Variants in TUT7 observed in about 807,000 individuals in gnomAD.
TUT7 encodes terminal uridylyl transferase 7, also known as terminal uridylyltransferase 7.
TUT7 carries 33 observed loss-of-function variants against 165.9 expected under a neutral mutation model. The ratio of observed to expected loss-of-function variants is 0.20; its 90% CI spans 0.15 to 0.27. TUT7 has a LOEUF of 0.27. TUT7 is among the 10% of genes least tolerant of loss of function. The pLI, the probability that TUT7 is intolerant of heterozygous loss-of-function variation, is 1.00. For synonymous variants in TUT7, 552 were observed against 608.1 expected, an observed-to-expected ratio of 0.91 and a Z score of 1.36; for missense variants, 1,338 against 1,762.3, an observed-to-expected ratio of 0.76 and a Z score of 4.31.
At chr9:86,339,445 G>C (rs1029064110) in intron 8 of TUT7, among the ~76,000 whole-genome samples, 1 of 152,178 alleles carries the variant, frequency 6.6e-6, no homozygotes, top group African/African-American at 2.4e-5. Flanking sequence ...GTGAACCCAG[G>C]AGGCGGAGGT....
Position 86,310,069 on chromosome 9 carries a change from T to TC in TUT7, c.3379-53dup, listed in dbSNP as rs1827891289. The TC allele has an allele frequency of 1.6e-5, 21 of 1,341,768 alleles. No homozygotes were observed. In the East Asian group the frequency reaches 5.2e-4, roughly 33 times the overall value. The allele number at this position is 1,341,768 out of a possible 1,614,324, so 83.1% of individuals were successfully genotyped here. On this transcript the variant is annotated intron_variant, in intron 18 of 26. Transcript: ENST00000375963. ...GACTAACAATGAAGTGTAAAGGGTC[T>TC]CTTTTTTTTTTTTGGTTGTTGTTTT... is the stretch of plus-strand genomic sequence containing the variant.
rs1828078996 is a variant in TUT7, at chr9:86,311,656, C to G, written c.3275-847G>C. ...CACGGTCTCCCTCTGATGCCGGTCT[C>G]CCTCTGATGCCGAGCCGAAGCTGGA... On this transcript the variant is annotated intron_variant, in intron 17 of 26. Transcript: ENST00000375963. This position sits in a 1 kb window ranked among gnomAD's most constrained non-coding sequence, Gnocchi z 4.4. Among the ~76,000 whole-genome samples the G allele has an allele frequency of 6.6e-6, 1 of 152,160 alleles. No individual in the cohort carries two copies.
intron 26 of TUT7, 140 bp downstream of exon 26, chr9:86,301,136 T>C (rs1410018068): frequency 3.7e-5 from 29 of 791,500 alleles, no homozygotes; most frequent in Non-Finnish European, 5.5e-5. Flanking sequence ...GGAAGGGATT[T>C]TACTTTCTTA....
At chr9:86,324,327 C>G (rs1301074477) in intron 12 of TUT7, 1 of 160,974 alleles carries the variant, frequency 6.2e-6, no homozygotes, top group East Asian at 1.8e-4. Context: ...CTCTGCCTCC[C>G]CACTCAGCCA....
chr9:86,338,995 A>T (rs764676664), intron 8 of TUT7, 46 bp from the exon 9 acceptor site: 4 of 1,496,258 alleles, frequency 2.7e-6, no homozygotes, highest in African/African-American at 1.4e-5. Flanking sequence ...AAAAGAAAAA[A>T]GTGTTACACA....
Position 86,325,486 on chromosome 9 carries a change from T to C in TUT7, c.1637A>G (p.Gln546Arg). The change falls in exon 12 of 27, where the codon CAG becomes CGG. Residue 546 changes from glutamine (Q) to arginine (R), a missense_variant. Gln to Arg is a conservative substitution (Grantham distance 43, BLOSUM62 1). Around this residue, in one of 7 missense-constraint regions of TUT7, gnomAD observed 53 missense variants for 46.3 expected, o/e 1.15. Transcript: ENST00000375963. ...GAGCTGCCCAACTGGTACTGAAGGC[T>C]GGTGTTTCACATCCAATATTAATGA... ...QVSLILDVKH[Q>R]PSVPVGQLWV... is the part of the protein sequence containing the mutation. The C allele has an allele frequency of 6.2e-7, 1 of 1,613,912 alleles. No individual in the cohort carries two copies. The highest frequency in any genetic ancestry group is 8.5e-7 in the Non-Finnish European group (1 of 1,179,868).
At chr9:86,303,244 A>G in intron 24 of TUT7, 43 bp from the exon 25 acceptor site, 1 of 1,050,466 alleles carries the variant, frequency 9.5e-7, no homozygotes, top group Non-Finnish European at 1.4e-6. Context: ...TATTCACGTG[A>G]GATCGGAACA....
chr9:86,309,995 A>T lies in TUT7; in HGVS notation c.3401T>A (p.Leu1134Ter). ...NTLALHNTRL[L>*]SAYSAIDPRV... ...GGGATCAATGGCGGAATAAGCAGAT[A>T]AAAGCCTTGTGTTATGAAGGGCCTG... is the stretch of plus-strand genomic sequence containing the variant. The change falls in exon 19 of 27, where the codon TTA becomes TAA. Residue 1134 changes from leucine (L) to a stop codon, truncating the protein, a stop_gained. Transcript: ENST00000375963. LOFTEE classifies it high-confidence loss of function. 1 of 1,613,878 alleles carries T rather than the reference A, an allele frequency of 6.2e-7. No homozygotes were observed.
intron 26 of TUT7, among the ~76,000 whole-genome samples, chr9:86,291,706 A>C (rs1052094588): frequency 1.3e-5 from 2 of 152,216 alleles, no homozygotes; most frequent in African/African-American, 4.8e-5. Context: ...TTAATAAATA[A>C]AGTATTTGGA....
At chr9:86,315,265 T>G (rs765787394) in intron 17 of TUT7, among the ~76,000 whole-genome samples, 4 of 152,240 alleles carry the variant, frequency 2.6e-5, no homozygotes, top group Admixed American at 6.5e-5. Flanking sequence ...CCAGGCAATC[T>G]GCATTCCATT....
Position 86,335,713 on chromosome 9 carries a change from T to C in TUT7, c.1455+1706A>G, listed in dbSNP as rs551307537. 9.2e-5 allele frequency among the ~76,000 whole-genome samples: 14 copies of C among 152,316 alleles called. No individual in the cohort carries two copies. The South Asian group carries it at 2.9e-3, about 32-fold the overall frequency. On this transcript the variant is annotated intron_variant, in intron 10 of 26. Transcript: ENST00000375963. ...CTGCAGAAATAATGTATGTAAAATA[T>C]CTAGCATAAAGATACTTAGTAAGTA...
At chr9:86,322,224 C>T in intron 14 of TUT7, 101 bp downstream of exon 14, 2 of 1,055,806 alleles carry the variant, frequency 1.9e-6, no homozygotes, top group South Asian at 1.5e-5. Context: ...AGACTTGGTC[C>T]CTAATAATGT....
intron 11 of TUT7, 107 bp from the exon 12 acceptor site, chr9:86,325,621 A>C: frequency 3.0e-6 from 3 of 1,008,100 alleles, no homozygotes; most frequent in Non-Finnish European, 4.3e-6. Context: ...AAACCTTAAC[A>C]AAGATATAAG....
At chr9:86,345,586 C>G (rs575452501) in intron 4 of TUT7, 83 bp downstream of exon 4, 2 of 975,668 alleles carry the variant, frequency 2.0e-6, no homozygotes, top group African/African-American at 1.6e-5. Context: ...AATATCATAG[C>G]CTTAAGGAGA....
At chr9:86,320,509 A>G (rs1442544773) in intron 14 of TUT7, among the ~76,000 whole-genome samples, 2 of 152,198 alleles carry the variant, frequency 1.3e-5, no homozygotes, top group Admixed American at 1.3e-4. Flanking sequence ...TTTTAGAAAT[A>G]ATATTTCTCA....
chr9:86,309,698 A>G, intron 19 of TUT7, 122 bp from the exon 20 acceptor site: 1 of 966,034 alleles, frequency 1.0e-6, no homozygotes, highest in Non-Finnish European at 1.6e-6. Context: ...CACATTGTCA[A>G]AGGCAAAACC....
intron 11 of TUT7, among the ~76,000 whole-genome samples, chr9:86,327,710 A>T (rs1008630164): frequency 6.6e-6 from 1 of 152,248 alleles, no homozygotes; most frequent in East Asian, 1.9e-4. Flanking sequence ...TCCTCATTTT[A>T]GGCATGAGTA....
At chr9:86,345,384 T>C (rs1390828563) in intron 4 of TUT7, among the ~76,000 whole-genome samples, 9 of 152,160 alleles carry the variant, frequency 5.9e-5, no homozygotes, top group Admixed American at 5.9e-4. Flanking sequence ...GGAAAGAATA[T>C]TAAAAACAGC....
At position 86,338,941 on chromosome 9, in the gene TUT7, A is replaced by C. The variant is rs576476359; in HGVS notation, c.1217T>G (p.Leu406Arg). The C allele has an allele frequency of 6.6e-5, 106 of 1,602,228 alleles. No individual in the cohort carries two copies. The South Asian group carries it at 1.1e-3, about 17-fold the overall frequency. ...VVCREKQSGL[L>R]CKVSAGNENA... ...TTCATTTCCTGCGCTCACTTTACAC[A>C]GAAGACCACTGGTGAGAGGTGGGGG... Residue 406 changes from leucine to arginine, a missense_variant, in exon 9 of 27, where the codon CTG becomes CGG. Leu to Arg is a moderately radical substitution (Grantham distance 102). Around this residue, in one of 7 missense-constraint regions of TUT7, gnomAD observed 74 missense variants for 128.5 expected, o/e 0.58. Transcript: ENST00000375963.
Sources: gnomAD v4.1 joint callset for allele counts (sites outside exome capture counted in the v4.1 genomes callset) on GRCh38, gnomAD v4.1.1 for gene constraint, gnomAD v4.1.1 regional missense constraint, Gnocchi (gnomAD v3.1) non-coding constraint, MANE v1.5 for transcripts, NCBI Gene and HGNC (gene_info 2026-07-23, HGNC 2026-07-21) for gene names.